CDH13: variants seen among roughly 807,000 people sequenced by gnomAD.
CDH13 encodes the protein cadherin-13.
Under a neutral mutation model 63.8 loss-of-function variants are expected in CDH13, and 24 were observed. The observed-to-expected ratio is 0.38, with a 90% CI of 0.27 to 0.53. The LOEUF is 0.53. Among genes scored for constraint, CDH13 ranks in the 20% least tolerant of loss-of-function variants. CDH13 has a pLI of 0.85. For missense variants in CDH13, 1,049 were observed against 903.1 expected (o/e 1.16, Z -2.07); for synonymous variants, 503 against 355.3 (o/e 1.42, Z -4.67).
intron 12 of CDH13, 72 bp from the exon 13 acceptor site, chr16:83,783,182 A>T: frequency 2.0e-6 from 2 of 1,021,242 alleles, no homozygotes; most frequent in East Asian, 5.1e-5. Context: ...TGTGACTTTC[A>T]TCACCAAAAC....
rs922913360 is a variant in CDH13, at chr16:83,131,822, T to C, written c.483+6321T>C. 2.0e-5 allele frequency among the ~76,000 whole-genome samples: 3 copies of C among 152,338 alleles called. No homozygotes were observed. The East Asian group carries it at 5.8e-4, about 29-fold the overall frequency. On this transcript the variant is annotated intron_variant, in intron 4 of 13. Coordinates refer to ENST00000567109, the MANE Select transcript of CDH13 (RefSeq NM_001257.5). ...TAGAATGGGCATTTAGAAGGCCATC[T>C]TTAACCCAGGATAGAAGAAATATGT... is the stretch of plus-strand genomic sequence containing the variant.
At chr16:82,954,063 G>A (rs931878297) in intron 2 of CDH13, 3 of 152,118 alleles carry the variant, frequency 2.0e-5, no homozygotes, top group Admixed American at 2.0e-4. Flanking sequence ...AAGCACTGTA[G>A]GGAATGAAGA....
At chr16:83,119,507 G>T (rs1342156695) in intron 3 of CDH13, among the ~76,000 whole-genome samples, 2 of 152,160 alleles carry the variant, frequency 1.3e-5, no homozygotes, top group Non-Finnish European at 2.9e-5. Flanking sequence ...GAAGTCAAGA[G>T]ATCTTATTAC....
chr16:83,376,051 A>T (rs545672133), intron 6 of CDH13, among the ~76,000 whole-genome samples: 1 of 152,310 alleles, frequency 6.6e-6, no homozygotes, highest in East Asian at 1.9e-4. Flanking sequence ...TTCCAACTGT[A>T]TTGTGAAGAA....
chr16:83,173,577 A>G (rs1330326269), intron 4 of CDH13, among the ~76,000 whole-genome samples: 3 of 152,098 alleles, frequency 2.0e-5, no homozygotes, highest in Non-Finnish European at 2.9e-5. Flanking sequence ...GCACATCCCA[A>G]CTATTGCACT....
At chr16:83,196,066 G>A (rs2038870144) in intron 4 of CDH13, among the ~76,000 whole-genome samples, 1 of 152,070 alleles carries the variant, frequency 6.6e-6, no homozygotes, top group Non-Finnish European at 1.5e-5. Flanking sequence ...AATCAGCCTG[G>A]CCAACATGGT....
chr16:83,779,406 C>G (rs171563), intron 11 of CDH13, among the ~76,000 whole-genome samples: 1 of 82,552 alleles, frequency 1.2e-5, no homozygotes, highest in African/African-American at 5.6e-5. Context: ...GACTCCATCT[C>G]AAAAAAAAAA....
At chr16:82,980,633 C>G (rs978275821) in intron 2 of CDH13, among the ~76,000 whole-genome samples, 3 of 152,130 alleles carry the variant, frequency 2.0e-5, no homozygotes, top group Non-Finnish European at 2.9e-5. Context: ...AAGTTATGGT[C>G]TCCGTGTTCT....
chr16:83,491,761 C>T (rs941951903), intron 7 of CDH13, among the ~76,000 whole-genome samples: 13 of 152,112 alleles, frequency 8.5e-5, no homozygotes, highest in Non-Finnish European at 4.4e-5. Flanking sequence ...AAAGTGATAG[C>T]CTGCCCGTGA....
At chr16:82,820,506 C>T (rs2037953804) in intron 1 of CDH13, among the ~76,000 whole-genome samples, 1 of 152,160 alleles carries the variant, frequency 6.6e-6, no homozygotes, top group African/African-American at 2.4e-5. Flanking sequence ...GTGGTGGAGG[C>T]AGGATTTGAA....
At chr16:83,653,289 T>C (rs1395533599) in intron 8 of CDH13, among the ~76,000 whole-genome samples, 1 of 152,230 alleles carries the variant, frequency 6.6e-6, no homozygotes, top group African/African-American at 2.4e-5. Context: ...TTTAAATTGA[T>C]GAATTTTTTG....
chr16:82,824,622 C>T (rs1387285760), intron 1 of CDH13: 4 of 152,160 alleles, frequency 2.6e-5, no homozygotes, highest in Non-Finnish European at 5.9e-5. Flanking sequence ...ACACAGTGGA[C>T]AGGCGAACAT....
At chr16:83,251,260 A>G (rs1043475461) in intron 5 of CDH13, among the ~76,000 whole-genome samples, 1 of 152,218 alleles carries the variant, frequency 6.6e-6, no homozygotes, top group African/African-American at 2.4e-5. Flanking sequence ...TGATCTCAAA[A>G]TAGAAAGTGT....
intron 6 of CDH13, among the ~76,000 whole-genome samples, chr16:83,470,081 C>T (rs534072531): frequency 6.6e-6 from 1 of 152,318 alleles, no homozygotes; most frequent in South Asian, 2.1e-4. Context: ...GTGCAGCTCT[C>T]CTGGGCTCTT....
chr16:83,028,547 G>A lies in CDH13; in HGVS notation c.158-3463G>A, dbSNP rs187042418. Among the ~76,000 whole-genome samples, 19 of 152,244 alleles carry A rather than the reference G, an allele frequency of 1.2e-4. No homozygotes were observed. In the East Asian group the frequency reaches 2.9e-3, roughly 23 times the overall value. On this transcript the variant is annotated intron_variant, in intron 2 of 13. Coordinates refer to ENST00000567109, the MANE Select transcript of CDH13 (RefSeq NM_001257.5). ...CAGTAGTCCCTGCTTGTCCTCAGGGGATGTGTCACAAGACCTACGTAGATA... is the reference window on the plus strand; with the variant it reads ...CAGTAGTCCCTGCTTGTCCTCAGGGAATGTGTCACAAGACCTACGTAGATA...
chr16:83,549,716 C>T (rs867161177), intron 7 of CDH13, among the ~76,000 whole-genome samples: 20 of 151,678 alleles, frequency 1.3e-4, no homozygotes, highest in African/African-American at 3.4e-4. Context: ...AAAACGCTAC[C>T]GCATTGAATT....
intron 1 of CDH13, among the ~76,000 whole-genome samples, chr16:82,677,140 C>A (rs1016768852): frequency 3.9e-5 from 6 of 152,186 alleles, no homozygotes; most frequent in African/African-American, 1.4e-4. Context: ...CCTTGGCCTC[C>A]CAAAGTGGTG....
chr16:83,782,304 C>T (rs2151010645), intron 12 of CDH13, among the ~76,000 whole-genome samples: 1 of 152,298 alleles, frequency 6.6e-6, no homozygotes, highest in East Asian at 1.9e-4. Context: ...TGCCAAGTGT[C>T]ACCCAGGGGC....
chr16:82,699,560 C>G (rs981544889), intron 1 of CDH13, among the ~76,000 whole-genome samples: 20 of 152,198 alleles, frequency 1.3e-4, no homozygotes, highest in Admixed American at 1.2e-3. Flanking sequence ...AGCAAGATTT[C>G]CTCTCCACTA....
Sources: gnomAD v4.1 joint callset for allele counts (sites outside exome capture counted in the v4.1 genomes callset) on GRCh38, gnomAD v4.1.1 for gene constraint, MANE v1.5 for transcripts, NCBI Gene and HGNC (gene_info 2026-07-23, HGNC 2026-07-21) for gene names.